The following SMYD2 variants were observed in gnomAD, a reference collection of about 807,000 sequenced individuals.
SMYD2 encodes the protein N-lysine methyltransferase SMYD2.
SMYD2 carries 53 observed loss-of-function variants against 59.1 expected under a neutral mutation model. The observed-to-expected ratio is 0.90, with a 90% CI of 0.72 to 1.13. SMYD2 has a LOEUF of 1.13. SMYD2 is among the 50% of genes most tolerant of loss of function. SMYD2 has a pLI of 0.00. For missense variants in SMYD2, 494 were observed against 544.7 expected (o/e 0.91, Z 0.93); for synonymous variants, 208 against 198.8 (o/e 1.05, Z -0.39).
intron 11 of SMYD2, 59 bp downstream of exon 11, chr1:214,334,367 TC>T: frequency 6.9e-7 from 1 of 1,439,718 alleles, no homozygotes; most frequent in Non-Finnish European, 9.8e-7. Flanking sequence ...TTAGCGCACC[TC>T]CTTCATGCCT....
chr1:214,316,479 ACT>A (rs1657087224), intron 3 of SMYD2, among the ~76,000 whole-genome samples: 1 of 148,566 alleles, frequency 6.7e-6, no homozygotes, highest in Non-Finnish European at 1.5e-5. Flanking sequence ...AGTAAATGAG[ACT>A]CTGTCTCTAA....
intron 7 of SMYD2, among the ~76,000 whole-genome samples, chr1:214,329,786 C>T (rs564396888): frequency 1.1e-4 from 16 of 152,282 alleles, no homozygotes; most frequent in African/African-American, 2.9e-4. Flanking sequence ...ATGACGGCAA[C>T]GAAGCATTTG....
rs968650612 is a variant in SMYD2, at chr1:214,302,539, T to C, written c.174-2648T>C. 5.9e-5 allele frequency among the ~76,000 whole-genome samples: 9 copies of C among 152,218 alleles called. 1 individual carries two copies. Among genetic ancestry groups the C allele is most frequent in the African/African-American group, 4.8e-5 (2 of 41,464 alleles). On this transcript the variant is annotated intron_variant, in intron 1 of 11. Coordinates refer to ENST00000366957, the MANE Select transcript of SMYD2 (RefSeq NM_020197.3). ...AAGGGTCTCCGGGACCCCAGCAGTCTGTAGACCTTCTTGAGAATCACTGAG... is the reference window on the plus strand; with the variant it reads ...AAGGGTCTCCGGGACCCCAGCAGTCCGTAGACCTTCTTGAGAATCACTGAG...
In SMYD2 at chr1:214,281,244, C is replaced by T; in HGVS notation, c.-11C>T. On this transcript the variant is annotated 5_prime_UTR_variant, in exon 1 of 12. Transcript: ENST00000366957. Reference sequence around the variant, plus strand: ...CTCGGGCACAGCCGGCGGCCGCGCCCCGCCGCCACCATGAGGGCCGAGGGC... The same window carrying T: ...CTCGGGCACAGCCGGCGGCCGCGCCTCGCCGCCACCATGAGGGCCGAGGGC... 8.1e-7 allele frequency: 1 copy of T among 1,234,270 alleles called. No individual in the cohort carries two copies. The highest frequency in any genetic ancestry group is 1.0e-6 in the Non-Finnish European group (1 of 982,608). The allele number at this position is 1,234,270 out of a possible 1,614,324, so 76.5% of individuals were successfully genotyped here.
rs369591123 is a variant in SMYD2, at chr1:214,319,369, T to C, written c.534+386T>C. On this transcript the variant is annotated intron_variant, in intron 5 of 11. Coordinates refer to ENST00000366957, the MANE Select transcript of SMYD2 (RefSeq NM_020197.3). ...CTTAAACCTTCTGTTCTATCTGTAG[T>C]GTTTTTTCACTCTAACCAAGGCTGC... Among the ~76,000 whole-genome samples, 29 of 152,322 alleles carry C rather than the reference T, an allele frequency of 1.9e-4. No homozygotes were observed. In the South Asian group the frequency reaches 5.8e-3, roughly 30 times the overall value.
intron 3 of SMYD2, 104 bp downstream of exon 3, chr1:214,314,976 C>G: frequency 1.2e-6 from 1 of 818,738 alleles, no homozygotes; most frequent in Non-Finnish European, 2.0e-6. Context: ...GTTAAACATC[C>G]TTAGACTACA....
intron 1 of SMYD2, among the ~76,000 whole-genome samples, chr1:214,292,089 T>TGAGAGAGAGAGAGAGAGAGAGAGAGA (rs56410935): frequency 6.8e-5 from 10 of 145,990 alleles, no homozygotes; most frequent in African/African-American, 2.6e-4. Flanking sequence ...TTTTCTAGGG[T>TGAGAGAGAGAGAGAGAGAGAGAGAGA]GAGAGAGAGA....
intron 1 of SMYD2, among the ~76,000 whole-genome samples, chr1:214,286,257 A>G (rs993099227): frequency 2.0e-5 from 3 of 151,978 alleles, no homozygotes; most frequent in African/African-American, 7.2e-5. Context: ...CTTGAAGCCA[A>G]GATTTTGAGA....
At chr1:214,313,870 C>T (rs1192382007) in intron 2 of SMYD2, among the ~76,000 whole-genome samples, 7 of 152,056 alleles carry the variant, frequency 4.6e-5, no homozygotes, top group African/African-American at 1.2e-4. Flanking sequence ...AACTTCAGGG[C>T]GTATGATAGA....
At chr1:214,317,921 C>T (rs1256605082) in intron 3 of SMYD2, among the ~76,000 whole-genome samples, 158 bp from the exon 4 acceptor site, 1 of 152,156 alleles carries the variant, frequency 6.6e-6, no homozygotes, top group Non-Finnish European at 1.5e-5. Context: ...TTGGATTTGG[C>T]TGGTGGAGAG....
At chr1:214,299,647 C>T (rs2102459877) in intron 1 of SMYD2, among the ~76,000 whole-genome samples, 1 of 152,168 alleles carries the variant, frequency 6.6e-6, no homozygotes, top group East Asian at 1.9e-4. Flanking sequence ...CTCTCTGTTG[C>T]CCAGGCTGGA....
chr1:214,295,886 T>C (rs777236258), intron 1 of SMYD2, among the ~76,000 whole-genome samples: 1 of 152,228 alleles, frequency 6.6e-6, no homozygotes, highest in Non-Finnish European at 1.5e-5. Context: ...ATAACCACCC[T>C]CGCTGGGTGG....
intron 5 of SMYD2, 129 bp from the exon 6 acceptor site, chr1:214,324,508 AAAAG>A: frequency 2.7e-6 from 2 of 743,576 alleles, no homozygotes; most frequent in Non-Finnish European, 4.4e-6. Flanking sequence ...TAACATGGGC[AAAAG>A]AAAGGGTTTA....
At chr1:214,284,565 G>A (rs1442938076) in intron 1 of SMYD2, among the ~76,000 whole-genome samples, 1 of 138,754 alleles carries the variant, frequency 7.2e-6, no homozygotes, top group Non-Finnish European at 1.6e-5. Flanking sequence ...CTAAGTTTTA[G>A]ACTTTTTTTT....
At chr1:214,316,062 C>T (rs1657080614) in intron 3 of SMYD2, among the ~76,000 whole-genome samples, 1 of 152,184 alleles carries the variant, frequency 6.6e-6, no homozygotes, top group African/African-American at 2.4e-5. Context: ...TCCTTGTGAT[C>T]CAATGAAATA....
At chr1:214,308,510 G>A (rs1160241002) in intron 2 of SMYD2, among the ~76,000 whole-genome samples, 1 of 152,194 alleles carries the variant, frequency 6.6e-6, no homozygotes, top group Non-Finnish European at 1.5e-5. Flanking sequence ...GGGAGTGCTT[G>A]CATGGGATCA....
Position 214,314,646 on chromosome 1 carries a change from A to G in SMYD2, c.238-116A>G, listed in dbSNP as rs556008616. The G allele has an allele frequency of 3.5e-4, 253 of 715,232 alleles. 3 individuals carry two copies. In the South Asian group the frequency reaches 4.4e-3, roughly 13 times the overall value. 44.3% of individuals were successfully genotyped at this position (715,232 alleles called of 1,614,324 possible). A position where few individuals can be genotyped will look rare whatever the true frequency, so the allele number is the denominator to read the frequency against. On this transcript the variant is annotated intron_variant, in intron 2 of 11. Transcript: ENST00000366957. Reference sequence around the variant, plus strand: ...TTTTGTGAGCATCCTCGTGTTTTCCAAAAGGAAACATATTTTACTTGACCT... The same window carrying G: ...TTTTGTGAGCATCCTCGTGTTTTCCGAAAGGAAACATATTTTACTTGACCT...
chr1:214,294,944 C>T (rs191173646), intron 1 of SMYD2, among the ~76,000 whole-genome samples: 1 of 152,206 alleles, frequency 6.6e-6, no homozygotes, highest in Admixed American at 6.5e-5. Context: ...TTTTTAATCA[C>T]GTGAGTTTTA....
At chr1:214,304,286 C>T (rs921315614) in intron 1 of SMYD2, among the ~76,000 whole-genome samples, 40 of 151,836 alleles carry the variant, frequency 2.6e-4, no homozygotes, top group South Asian at 8.3e-4. Flanking sequence ...GGTGGGGGCA[C>T]GGCGGCTCAT....
Sources: allele counts gnomAD v4.1 joint callset (sites outside exome capture counted in the v4.1 genomes callset), GRCh38; gene constraint gnomAD v4.1.1; transcripts MANE v1.5; gene names NCBI Gene and HGNC (gene_info 2026-07-23, HGNC 2026-07-21).